CLUH: variants seen among roughly 807,000 people sequenced by gnomAD.
CLUH encodes the protein CLUH binding protein of NUMT mRNA.
CLUH carries 77 observed loss-of-function variants against 139.3 expected under a neutral mutation model. That is an observed-to-expected ratio of 0.55 (90% confidence interval 0.46 to 0.67). The LOEUF is 0.67. Among genes scored for constraint, CLUH ranks in the 30% least tolerant of loss-of-function variants. CLUH has a pLI of 0.00. For missense variants in CLUH, 1,876 were observed against 1,875.8 expected (o/e 1.00, Z 0.00); for synonymous variants, 999 against 801.6 (o/e 1.25, Z -4.16).
At position 2,701,661 on chromosome 17, in the gene CLUH, G is replaced by T; in HGVS notation, c.696C>A (p.Ser232Arg). Reference protein sequence around the residue: ...CTPPEYILPGSRERPLCPLQP... With the variant: ...CTPPEYILPGRRERPLCPLQP... ...GCAGGGGACACAGTGGCCGCTCCCGGCTCCCTGGCAGGATGTACTCGGGTG... is the reference window on the plus strand; with the variant it reads ...GCAGGGGACACAGTGGCCGCTCCCGTCTCCCTGGCAGGATGTACTCGGGTG... The change falls in exon 5 of 26, where the codon AGC becomes AGA. Residue 232 changes from serine to arginine, a missense_variant. Ser to Arg is a moderately radical substitution (Grantham distance 110). This residue lies in a region of CLUH where 270 missense variants were observed against 354.7 expected (regional missense o/e 0.76). Transcript: ENST00000651024. 1 of 1,601,346 alleles carries T rather than the reference G, an allele frequency of 6.2e-7. No homozygotes were observed. Among genetic ancestry groups the T allele is most frequent in the Non-Finnish European group, 8.5e-7 (1 of 1,173,822 alleles).
At chr17:2,691,924 C>CCCCGTGCCCCCGCGG (rs2069661037) in intron 23 of CLUH, 29 bp from the exon 24 acceptor site, 3 of 1,441,118 alleles carry the variant, frequency 2.1e-6, no homozygotes, top group Non-Finnish European at 2.7e-6. Flanking sequence ...GGATCAGGCC[C>CCCCGTGCCCCCGCGG]CCCCGTGCCC....
In CLUH at chr17:2,696,773, C is replaced by G. The variant is rs749931959; in HGVS notation, c.2131G>C (p.Gly711Arg). Residue 711 changes from glycine to arginine, a missense_variant, in exon 11 of 26, where the codon GGC (glycine) becomes CGC (arginine). Coordinates refer to ENST00000651024, the MANE Select transcript of CLUH (RefSeq NM_001366661.1). ...GSEEEGSSAS[G>R]LAKVKELAET... ...GCCAGCTCCTTCACCTTGGCCAGGC[C>G]GCTGGCGCTGCTACCCTCCTCCTCA... 1 of 1,612,860 alleles carries G rather than the reference C, an allele frequency of 6.2e-7. No individual in the cohort carries two copies. The highest frequency in any genetic ancestry group is 8.5e-7 in the Non-Finnish European group (1 of 1,179,878).
intron 14 of CLUH, 33 bp from the exon 15 acceptor site, chr17:2,695,313 G>A: frequency 1.2e-6 from 2 of 1,613,506 alleles, no homozygotes; most frequent in African/African-American, 1.3e-5. Flanking sequence ...TCTTGGTCAG[G>A]CCCCCGGCCT....
At chr17:2,691,721 C>G in intron 24 of CLUH, 39 bp from the exon 25 acceptor site, 1 of 1,604,152 alleles carries the variant, frequency 6.2e-7, no homozygotes, top group South Asian at 1.1e-5. Context: ...GGGGCTCCCG[C>G]GCTCGCCGGG....
chr17:2,708,330 C>G (rs528238097), intron 1 of CLUH, among the ~76,000 whole-genome samples: 230 of 152,314 alleles, frequency 1.5e-3, no homozygotes, highest in Non-Finnish European at 3.0e-3. Context: ...CTCCTACCCT[C>G]TCCTGAAATA....
chr17:2,698,374 G>A lies in CLUH; in HGVS notation c.1483C>T (p.Arg495Cys), dbSNP rs756743030. 4.3e-6 allele frequency: 7 copies of A among 1,613,072 alleles called. No homozygotes were observed. The highest frequency in any genetic ancestry group is 2.2e-5 in the East Asian group (1 of 44,874). Residue 495 changes from arginine to cysteine, a missense_variant, in exon 10 of 26, where the codon CGC (arginine) becomes TGC (cysteine). Coordinates refer to ENST00000651024, the MANE Select transcript of CLUH (RefSeq NM_001366661.1). ...TCCACGTCCACCGCGTTGTACGTGCGGACGCCATTCAGGTCGTTGGTGGGC... is the reference window on the plus strand; with the variant it reads ...TCCACGTCCACCGCGTTGTACGTGCAGACGCCATTCAGGTCGTTGGTGGGC... ...VAPTNDLNGV[R>C]TYNAVDVEGL...
Position 2,696,737 on chromosome 17 carries a change from C to T in CLUH, c.2167G>A (p.Ala723Thr), listed in dbSNP as rs868410232. 1.4e-5 allele frequency: 23 copies of T among 1,612,090 alleles called. No individual in the cohort carries two copies. The highest frequency in any genetic ancestry group is 1.3e-4 in the African/African-American group (10 of 74,914). ...GCCCCACCTGTGCCGTCGTCTGCGG[C>T]GATGGTCTCTGCCAGCTCCTTCACC... ...AKVKELAETI[A>T]ADDGTADPRS... Residue 723 changes from alanine (A) to threonine (T), a missense_variant, in exon 11 of 26, where the codon GCC becomes ACC. Physicochemically the swap from Ala to Thr is moderately conservative, Grantham distance 58. Coordinates refer to ENST00000651024, the MANE Select transcript of CLUH (RefSeq NM_001366661.1).
At position 2,696,721 on chromosome 17, in the gene CLUH, G is replaced by A. The variant is rs781246965; in HGVS notation, c.2183C>T (p.Thr728Ile). The A allele has an allele frequency of 1.8e-5, 29 of 1,611,668 alleles. No homozygotes were observed. The highest frequency in any genetic ancestry group is 1.5e-4 in the Admixed American group (9 of 59,982). ...CCGGCCATCTGCAGCAGCCCCACCT[G>A]TGCCGTCGTCTGCGGCGATGGTCTC... ...LAETIAADDG[T>I]ADPRSREVIR... Residue 728 changes from threonine (T) to isoleucine (I), a missense_variant and splice_region_variant, in exon 11 of 26, where the codon ACA becomes ATA. By Grantham distance (89) the Thr-to-Ile change is moderately conservative. Around this residue, in one of 3 missense-constraint regions of CLUH, gnomAD observed 1,454 missense variants for 1,384.4 expected, o/e 1.05. Transcript: ENST00000651024.
chr17:2,691,937 G>GCCCCGCCCC (rs1432538909), intron 23 of CLUH, 42 bp from the exon 24 acceptor site: 1 of 1,054,992 alleles, frequency 9.5e-7, no homozygotes, highest in Middle Eastern at 3.4e-4. Flanking sequence ...CCGTGCCCCC[G>GCCCCGCCCC]CGGCCCCGCC....
chr17:2,697,800 C>A, intron 10 of CLUH, 96 bp downstream of exon 10: 1 of 1,157,112 alleles, frequency 8.6e-7, no homozygotes. Context: ...CACTCTCCAG[C>A]GCTTCTCCCT....
rs1178391934 is a variant in CLUH at position 2,690,330 on chromosome 17, C to T, written c.*264G>A. 1.2e-5 allele frequency: 5 copies of T among 402,046 alleles called. No individual in the cohort carries two copies. Among genetic ancestry groups the T allele is most frequent in the South Asian group, 8.2e-5 (1 of 12,122 alleles). The allele number at this position is 402,046 out of a possible 1,614,324, so 24.9% of individuals were successfully genotyped here. A position where few individuals can be genotyped will look rare whatever the true frequency, so the allele number is the denominator to read the frequency against. On this transcript the variant is annotated 3_prime_UTR_variant, in exon 26 of 26. Transcript: ENST00000651024. ...ACGGCGGGGGCCGAAGCAACACCTG[C>T]CCCCCAGCCGGGAACTGATGGCCGC...
In CLUH at chr17:2,691,986, C is replaced by CCCCGCT. The variant is rs1319843476; in HGVS notation, c.3654+17_3654+18insAGCGGG. ...GCCCCCGCCCCGCCCCCGCCCCCGC[C>CCCCGCT]ACGCCCCCGCCGCGCACCTGCGTCT... On this transcript the variant is annotated intron_variant, in intron 23 of 25. Transcript: ENST00000651024. 3.2e-5 allele frequency: 10 copies of CCCCGCT among 316,148 alleles called. No individual in the cohort carries two copies. The highest frequency in any genetic ancestry group is 7.8e-6 in the Non-Finnish European group (2 of 254,814). The allele number at this position is 316,148 out of a possible 1,614,324, so 19.6% of individuals were successfully genotyped here. A position where few individuals can be genotyped will look rare whatever the true frequency, so the allele number is the denominator to read the frequency against.
chr17:2,692,412 A>C lies in CLUH; in HGVS notation c.3509T>G (p.Leu1170Arg). ...DLSLRFLENA[L>R]AVSTKYHGPK... Reference sequence around the variant, plus strand: ...CCCGTGGTACTTGGTGCTGACGGCCAGCGCGTTCTCCAGGAAGCGCAGCGA... The same window carrying C: ...CCCGTGGTACTTGGTGCTGACGGCCCGCGCGTTCTCCAGGAAGCGCAGCGA... Residue 1170 changes from leucine to arginine, a missense_variant, in exon 22 of 26, where the codon CTG (leucine) becomes CGG (arginine). By Grantham distance (102) the Leu-to-Arg change is moderately radical (BLOSUM62 -2). Around this residue, in one of 3 missense-constraint regions of CLUH, gnomAD observed 1,454 missense variants for 1,384.4 expected, o/e 1.05. Coordinates refer to ENST00000651024, the MANE Select transcript of CLUH (RefSeq NM_001366661.1). 6.3e-7 allele frequency: 1 copy of C among 1,598,982 alleles called. No individual in the cohort carries two copies. Among genetic ancestry groups the C allele is most frequent in the Non-Finnish European group, 8.5e-7 (1 of 1,179,188 alleles).
rs540469954 is a variant in CLUH, at chr17:2,696,783, G to A, written c.2121C>T (p.Ser707=). The A allele has an allele frequency of 6.2e-7, 1 of 1,613,046 alleles. No homozygotes were observed. The highest frequency in any genetic ancestry group is 1.1e-5 in the South Asian group (1 of 91,040). The part of the protein sequence containing the change: ...GQEAGSEEEG[S]SASGLAKVKE... Reference sequence around the variant, plus strand: ...TCACCTTGGCCAGGCCGCTGGCGCTGCTACCCTCCTCCTCACTTCCCGCCT... The same window carrying A: ...TCACCTTGGCCAGGCCGCTGGCGCTACTACCCTCCTCCTCACTTCCCGCCT... Residue 707 remains serine, a synonymous_variant, in exon 11 of 26, where the codon AGC becomes AGT. Coordinates refer to ENST00000651024, the MANE Select transcript of CLUH (RefSeq NM_001366661.1).
At chr17:2,711,378 C>T (rs2070517509) in intron 1 of CLUH, among the ~76,000 whole-genome samples, 184 bp downstream of exon 1, 1 of 152,122 alleles carries the variant, frequency 6.6e-6, no homozygotes, top group African/African-American at 2.4e-5. Flanking sequence ...GTGCGAAACC[C>T]GGGCCGCAGC....
intron 25 of CLUH, among the ~76,000 whole-genome samples, 177 bp from the exon 26 acceptor site, chr17:2,690,954 C>T (rs2069601610): frequency 6.6e-6 from 1 of 152,158 alleles, no homozygotes; most frequent in Admixed American, 6.5e-5. Context: ...AAGGTAAGGA[C>T]CCCGCACCTG....
Position 2,700,429 on chromosome 17 carries a change from G to C in CLUH, c.1219C>G (p.Arg407Gly), listed in dbSNP as rs767916245. The C allele has an allele frequency of 1.9e-5, 31 of 1,613,410 alleles. 1 individual carries two copies. The South Asian group carries it at 3.3e-4, about 17-fold the overall frequency. Residue 407 changes from arginine to glycine, a missense_variant, in exon 9 of 26, where the codon CGC becomes GGC. Arg to Gly is a moderately radical substitution (Grantham distance 125, BLOSUM62 -2). Around this residue, in one of 3 missense-constraint regions of CLUH, gnomAD observed 1,454 missense variants for 1,384.4 expected, o/e 1.05. Transcript: ENST00000651024. ...EELQTTRELP[R>G]KNLPERLLRE... The stretch of plus-strand genomic sequence containing the variant: ...AGCAGCCGCTCAGGCAGGTTCTTGC[G>C]AGGCAGCTCCCTCGTCGTCTGCAGC...
In CLUH at chr17:2,694,220, C is replaced by A; in HGVS notation, c.2994G>T (p.Glu998Asp). 1 of 1,613,104 alleles carries A rather than the reference C, an allele frequency of 6.2e-7. No homozygotes were observed. Among genetic ancestry groups the A allele is most frequent in the Non-Finnish European group, 8.5e-7 (1 of 1,179,484 alleles). The change falls in exon 18 of 26, where the codon GAG becomes GAT. Residue 998 changes from glutamate (E) to aspartate (D), a missense_variant. Transcript: ENST00000651024. ...CCACGGGGAAGATGTTGAGCACGTC[C>A]TCCTCGGTGAACGCGGGCTTGTGGC... ...DSRHKPAFTEEDVLNIFPVVK... is the reference protein window; with the variant it reads ...DSRHKPAFTEDDVLNIFPVVK...
intron 1 of CLUH, among the ~76,000 whole-genome samples, chr17:2,705,931 G>A (rs1296267825): frequency 7.2e-5 from 11 of 152,132 alleles, no homozygotes; most frequent in Admixed American, 3.3e-4. Flanking sequence ...CAGCAGACAC[G>A]GGCCTGCCTG....
Sources: allele counts gnomAD v4.1 joint callset (sites outside exome capture counted in the v4.1 genomes callset), GRCh38; gene constraint gnomAD v4.1.1; regional missense constraint gnomAD v4.1.1; transcripts MANE v1.5; gene names NCBI Gene and HGNC (gene_info 2026-07-23, HGNC 2026-07-21).